Variants in ECSCR observed in about 807,000 individuals in gnomAD.
The protein encoded by ECSCR is endothelial cell-specific chemotaxis regulator.
Under a neutral mutation model 16.7 loss-of-function variants are expected in ECSCR, and 12 were observed. That is an observed-to-expected ratio of 0.72 (90% CI 0.46 to 1.17). The LOEUF (loss-of-function observed/expected upper bound fraction) is 1.17, where lower values mean the gene tolerates loss of function less well. ECSCR is among the 50% of genes most tolerant of loss of function. The pLI, the probability that ECSCR is intolerant of heterozygous loss-of-function variation, is 0.00. For missense variants in ECSCR, 122 were observed against 116.1 expected (o/e 1.05, Z -0.23); for synonymous variants, 44 against 42.2 (o/e 1.04, Z -0.17).
chr5:139,457,797 G>T lies in ECSCR; in HGVS notation c.117C>A (p.Gly39=). ...TQTSSSQGGL[G]GLSLTTEPVS... ...CTGGCTCTGTGGTCAGACTTAGACC[G>T]CCAAGGCCTCCTGAAACAGAACATC... The change falls in exon 3 of 10, where the codon GGC becomes GGA. Residue 39 remains glycine (G), a synonymous_variant. Transcript: ENST00000618155. 1 of 1,609,240 alleles carries T rather than the reference G, an allele frequency of 6.2e-7. No homozygotes were observed. The highest frequency in any genetic ancestry group is 1.3e-5 in the African/African-American group (1 of 74,920).
chr5:139,458,325 G>GTTTTTTTTTT, intron 1 of ECSCR, 142 bp from the exon 2 acceptor site: 1 of 546,762 alleles, frequency 1.8e-6, no homozygotes, highest in Non-Finnish European at 3.1e-6. Context: ...GTTTTGTTTT[G>GTTTTTTTTTT]TTTTTTTTTT....
In ECSCR at chr5:139,458,192, G is replaced by A; in HGVS notation, c.62-9C>T. The A allele has an allele frequency of 6.5e-7, 1 of 1,549,638 alleles. No individual in the cohort carries two copies. ...GGGCTGGGAGTTGTGGCCTGCAAGA[G>A]AAAGCAAAACACATAGCTTGGTAAG... On this transcript the variant is annotated splice_polypyrimidine_tract_variant and intron_variant, in intron 1 of 9. Coordinates refer to ENST00000618155, the MANE Select transcript of ECSCR (RefSeq NM_001077693.4).
chr5:139,449,383 G>T (rs1750979568), intron 8 of ECSCR, among the ~76,000 whole-genome samples: 1 of 152,136 alleles, frequency 6.6e-6, no homozygotes, highest in African/African-American at 2.4e-5. Flanking sequence ...TGTCGCCCAG[G>T]CTGGAGTGCA....
chr5:139,455,717 C>T (rs1751142046), intron 5 of ECSCR, among the ~76,000 whole-genome samples: 1 of 149,968 alleles, frequency 6.7e-6, no homozygotes, highest in African/African-American at 2.5e-5. Context: ...TGGCTCATGC[C>T]TGCAATCCCA....
chr5:139,456,539 A>G (rs1751162667), intron 4 of ECSCR, 21 bp from the exon 5 acceptor site: 1 of 398,576 alleles, frequency 2.5e-6, no homozygotes, highest in African/African-American at 2.1e-5. Flanking sequence ...AAACAGCATG[A>G]CCAAGATGGG....
At position 139,448,684 on chromosome 5, in the gene ECSCR, T is replaced by A; in HGVS notation, c.*216A>T. ...GAGGAGGTGGGAGAAGCAGGCAGTA[T>A]TTCCACAGCAGCTGTCCATACAGGA... On this transcript the variant is annotated 3_prime_UTR_variant, in exon 10 of 10. Coordinates refer to ENST00000618155, the MANE Select transcript of ECSCR (RefSeq NM_001077693.4). 1 of 1,377,670 alleles carries A rather than the reference T, an allele frequency of 7.3e-7. No individual in the cohort carries two copies. Among genetic ancestry groups the A allele is most frequent in the Non-Finnish European group, 9.4e-7 (1 of 1,063,784 alleles). The allele number at this position is 1,377,670 out of a possible 1,614,324, so 85.3% of individuals were successfully genotyped here. A position where few individuals can be genotyped will look rare whatever the true frequency, so the allele number is the denominator to read the frequency against.
chr5:139,459,399 A>T (rs1751243180), intron 1 of ECSCR, among the ~76,000 whole-genome samples: 1 of 152,166 alleles, frequency 6.6e-6, no homozygotes, highest in Admixed American at 6.5e-5. Flanking sequence ...GATACATAGG[A>T]AATGGTTGTT....
rs574406468 is a variant in ECSCR at position 139,460,222 on chromosome 5, G to C, written c.62-2039C>G. On this transcript the variant is annotated intron_variant, in intron 1 of 9. Transcript: ENST00000618155. Reference sequence around the variant, plus strand: ...GCGATCTCAGCTCACTGCAACCTCCGCCTCCCGGGCTCAAGCTATTCTCCT... The same window carrying C: ...GCGATCTCAGCTCACTGCAACCTCCCCCTCCCGGGCTCAAGCTATTCTCCT... 1.3e-4 allele frequency among the ~76,000 whole-genome samples: 19 copies of C among 151,360 alleles called. 1 individual carries two copies. In the South Asian group the frequency reaches 4.0e-3, roughly 32 times the overall value.
chr5:139,460,687 C>T (rs1751280203), intron 1 of ECSCR, among the ~76,000 whole-genome samples: 1 of 152,136 alleles, frequency 6.6e-6, no homozygotes, highest in South Asian at 2.1e-4. Context: ...TCTGTGTCTA[C>T]AGCCGAGGGT....
intron 8 of ECSCR, among the ~76,000 whole-genome samples, chr5:139,450,334 A>G (rs1401458744): frequency 6.6e-6 from 1 of 151,444 alleles, no homozygotes; most frequent in Non-Finnish European, 1.5e-5. Context: ...GACATCTTAT[A>G]TCTATTAAAA....
At chr5:139,457,882 T>C in intron 2 of ECSCR, 75 bp from the exon 3 acceptor site, 2 of 1,484,944 alleles carry the variant, frequency 1.3e-6, no homozygotes, top group Non-Finnish European at 1.8e-6. Context: ...TCCCTAGATC[T>C]GTGTGTCTTT....
At position 139,457,819 on chromosome 5, in the gene ECSCR, C is replaced by A. The variant is rs565065683; in HGVS notation, c.107-12G>T. ...ACCGCCAAGGCCTCCTGAAACAGAA[C>A]ATCTGAGGCTGAGGGGTGCACCGCC... On this transcript the variant is annotated splice_polypyrimidine_tract_variant and intron_variant, in intron 2 of 9. Transcript: ENST00000618155. 18 of 1,602,820 alleles carry A rather than the reference C, an allele frequency of 1.1e-5. No individual in the cohort carries two copies. The South Asian group carries it at 1.5e-4, about 13-fold the overall frequency.
chr5:139,453,747 A>G lies in ECSCR; in HGVS notation c.512+855T>C, dbSNP rs1462549182. On this transcript the variant is annotated intron_variant, in intron 8 of 9. Transcript: ENST00000618155. ...TGTATGCATAGTGTGGGGTGTGGGG[A>G]GTGTGGTGTGTTTGTGGTGTGTGTG... is the stretch of plus-strand genomic sequence containing the variant. Among the ~76,000 whole-genome samples the G allele has an allele frequency of 8.6e-5, 7 of 81,116 alleles. 1 individual carries two copies. The East Asian group carries it at 1.5e-3, about 18-fold the overall frequency. 53.2% of individuals were successfully genotyped at this position (81,116 alleles called of 152,430 possible).
Position 139,458,141 on chromosome 5 carries a change from T to C in ECSCR, c.104A>G (p.Gln35Arg). The C allele has an allele frequency of 6.5e-7, 1 of 1,549,600 alleles. No individual in the cohort carries two copies. ...TAGACCCATGTGTTTGGTCTTACCC[T>C]GAGAGCTAGAGGTCTGGGTCATTGT... ...QPTMTQTSSS[Q>R]GGLGGLSLTT... The change falls in exon 2 of 10, where the codon CAG (glutamine) becomes CGG (arginine). Residue 35 changes from glutamine to arginine, a missense_variant and splice_region_variant. Coordinates refer to ENST00000618155, the MANE Select transcript of ECSCR (RefSeq NM_001077693.4).
chr5:139,448,624 C>G lies in ECSCR; in HGVS notation c.*276G>C. 1.2e-6 allele frequency: 1 copy of G among 868,280 alleles called. No homozygotes were observed. Among genetic ancestry groups the G allele is most frequent in the Non-Finnish European group, 1.6e-6 (1 of 618,534 alleles). 53.8% of individuals were successfully genotyped at this position (868,280 alleles called of 1,614,324 possible). Reference sequence around the variant, plus strand: ...TCAATCCACCTCATCACTTTCCTTGCTCTCTCTCTGTCACCTCCTCTTTCC... The same window carrying G: ...TCAATCCACCTCATCACTTTCCTTGGTCTCTCTCTGTCACCTCCTCTTTCC... On this transcript the variant is annotated 3_prime_UTR_variant, in exon 10 of 10. Coordinates refer to ENST00000618155, the MANE Select transcript of ECSCR (RefSeq NM_001077693.4).
intron 5 of ECSCR, among the ~76,000 whole-genome samples, chr5:139,456,055 G>A (rs1401738063): frequency 6.6e-6 from 1 of 152,120 alleles, no homozygotes; most frequent in Admixed American, 6.5e-5. Context: ...CTGGGAGGCA[G>A]GGGTTGCAGT....
chr5:139,448,811 T>C lies in ECSCR; in HGVS notation c.*89A>G. On this transcript the variant is annotated 3_prime_UTR_variant, in exon 10 of 10. Coordinates refer to ENST00000618155, the MANE Select transcript of ECSCR (RefSeq NM_001077693.4). The stretch of plus-strand genomic sequence containing the variant: ...AAACAATAAAATAATTTACATGTGG[T>C]TCATTGCCTCTACTAATTCCATCTC... 1.3e-6 allele frequency: 2 copies of C among 1,524,282 alleles called. No homozygotes were observed. The highest frequency in any genetic ancestry group is 4.2e-5 in the Admixed American group (2 of 47,582). The allele number at this position is 1,524,282 out of a possible 1,614,324, so 94.4% of individuals were successfully genotyped here.
At chr5:139,455,509 G>T in intron 5 of ECSCR, 73 bp from the exon 6 acceptor site, 1 of 394,158 alleles carries the variant, frequency 2.5e-6, no homozygotes, top group Non-Finnish European at 4.5e-6. Flanking sequence ...CTTCCCTCCC[G>T]CTTCCCCCTA....
intron 1 of ECSCR, 95 bp downstream of exon 1, chr5:139,462,515 G>A (rs1751329686): frequency 1.6e-5 from 20 of 1,286,718 alleles, no homozygotes; most frequent in Non-Finnish European, 2.2e-5. Flanking sequence ...ACAGCCCCTG[G>A]ATGGAAAGCA....
Sources: allele counts gnomAD v4.1 joint callset (sites outside exome capture counted in the v4.1 genomes callset), GRCh38; gene constraint gnomAD v4.1.1; transcripts MANE v1.5; gene names NCBI Gene and HGNC (gene_info 2026-07-23, HGNC 2026-07-21).